Variants in SLC38A8 observed in about 807,000 individuals in gnomAD.
SLC38A8 encodes the protein solute carrier family 38 member 8.
In SLC38A8, 65 loss-of-function variants were observed where a neutral mutation model predicts 46.0. That is an observed-to-expected ratio of 1.41 (90% CI 1.16 to 1.74). SLC38A8 has a LOEUF of 1.74. Among genes scored for constraint, SLC38A8 ranks in the 40% most tolerant of loss-of-function variants. SLC38A8 has a pLI of 0.00. For synonymous variants in SLC38A8, 447 were observed against 243.7 expected, an observed-to-expected ratio of 1.83 and a Z score of -7.77; for missense variants, 998 against 567.9, an observed-to-expected ratio of 1.76 and a Z score of -7.70.
chr16:84,038,514 C>T lies in SLC38A8; in HGVS notation c.190-1614G>A, dbSNP rs189989454. Among the ~76,000 whole-genome samples, 80 of 152,294 alleles carry T rather than the reference C, an allele frequency of 5.3e-4. No homozygotes were observed. The East Asian group carries it at 0.014, about 28-fold the overall frequency. ...AGCTGCAGATCCCAGTGTACATCCCCTGGAATACTCTGGCGTGCCTACCAT... is the reference window on the plus strand; with the variant it reads ...AGCTGCAGATCCCAGTGTACATCCCTTGGAATACTCTGGCGTGCCTACCAT... On this transcript the variant is annotated intron_variant, in intron 2 of 10. Transcript: ENST00000299709.
chr16:84,018,081 C>T (rs745792962), intron 7 of SLC38A8, among the ~76,000 whole-genome samples: 3 of 152,134 alleles, frequency 2.0e-5, no homozygotes, highest in African/African-American at 4.8e-5. Context: ...AGAAAAGAAA[C>T]TTACTTCCTA....
chr16:84,040,324 G>T (rs1397152301), intron 2 of SLC38A8, among the ~76,000 whole-genome samples: 1 of 152,150 alleles, frequency 6.6e-6, no homozygotes, highest in African/African-American at 2.4e-5. Context: ...TCACCTCAGG[G>T]TTCCCTTCTC....
At chr16:84,012,262 G>C (rs1249139503) in intron 10 of SLC38A8, among the ~76,000 whole-genome samples, 1 of 152,242 alleles carries the variant, frequency 6.6e-6, no homozygotes, top group Non-Finnish European at 1.5e-5. Context: ...GGCTGAGGAA[G>C]CGCACATCAT....
At chr16:84,017,004 G>A (rs1287618758) in intron 8 of SLC38A8, 136 bp downstream of exon 8, 1 of 1,275,440 alleles carries the variant, frequency 7.8e-7, no homozygotes, top group Non-Finnish European at 1.1e-6. Flanking sequence ...TAAATCCTCT[G>A]TGCCTGTTTC....
intron 6 of SLC38A8, among the ~76,000 whole-genome samples, chr16:84,028,603 T>C (rs2085195820): frequency 1.3e-5 from 2 of 148,698 alleles, no homozygotes; most frequent in Admixed American, 6.7e-5. Flanking sequence ...GGAAGAGCAG[T>C]GTCTGCTTCC....
intron 3 of SLC38A8, 102 bp from the exon 4 acceptor site, chr16:84,033,571 T>C: frequency 7.4e-7 from 1 of 1,352,898 alleles, no homozygotes; most frequent in Non-Finnish European, 1.0e-6. Flanking sequence ...ACATCCACCC[T>C]CAGCCAGCCC....
chr16:84,036,797 G>A lies in SLC38A8; in HGVS notation c.293C>T (p.Pro98Leu). ...YQGVVRGLCGPAIGKLCEACF... is the reference protein window; with the variant it reads ...YQGVVRGLCGLAIGKLCEACF... ...GGCCTCACACAGCTTCCCAATGGCA[G>A]GGCCACACAGCCCCCTGACCACACC... Residue 98 changes from proline to leucine, a missense_variant, in exon 3 of 11, where the codon CCT becomes CTT. Coordinates refer to ENST00000299709, the MANE Select transcript of SLC38A8 (RefSeq NM_001080442.3). 4.3e-6 allele frequency: 7 copies of A among 1,614,130 alleles called. No homozygotes were observed. Among genetic ancestry groups the A allele is most frequent in the Non-Finnish European group, 2.5e-6 (3 of 1,180,026 alleles).
At chr16:84,019,904 C>CA (rs1335118044) in intron 7 of SLC38A8, among the ~76,000 whole-genome samples, 1 of 152,282 alleles carries the variant, frequency 6.6e-6, no homozygotes, top group African/African-American at 2.4e-5. Flanking sequence ...CACCATGTGC[C>CA]ACCCCCTGGA....
At chr16:84,020,042 T>A (rs772592036) in intron 7 of SLC38A8, among the ~76,000 whole-genome samples, 3 of 152,238 alleles carry the variant, frequency 2.0e-5, no homozygotes, top group African/African-American at 7.2e-5. Context: ...CTTCGCAGTT[T>A]GTAGTCCCAG....
At position 84,016,834 on chromosome 16, in the gene SLC38A8, C is replaced by T. The variant is rs964687279; in HGVS notation, c.954-107G>A. On this transcript the variant is annotated intron_variant, in intron 8 of 10. Transcript: ENST00000299709. ...GAGTCCCCTCACACCTGTCAGTGCT[C>T]CTGTTCCACACTCAGGTGTTTATTC... 9 of 1,245,252 alleles carry T rather than the reference C, an allele frequency of 7.2e-6. No homozygotes were observed. In the African/African-American group the frequency reaches 1.4e-4, roughly 19 times the overall value. The allele number at this position is 1,245,252 out of a possible 1,614,324, so 77.1% of individuals were successfully genotyped here.
At chr16:84,033,224 G>A (rs1447831660) in intron 4 of SLC38A8, 104 bp downstream of exon 4, 5 of 1,491,754 alleles carry the variant, frequency 3.4e-6, no homozygotes, top group Non-Finnish European at 4.6e-6. Flanking sequence ...TTCTCCAAAT[G>A]TGAAGGCCAA....
chr16:84,033,001 GGGGTGTGGGTAGGTGGGTGTGTATGTGT>G (rs1567701312), intron 4 of SLC38A8, among the ~76,000 whole-genome samples: 4 of 143,630 alleles, frequency 2.8e-5, no homozygotes, highest in South Asian at 2.2e-4. Context: ...TGTGCATGGG[GGGGTGTGGGTAGGTGGGTGTGTATGTGT>G]GGGTGTGGGT....
chr16:84,021,833 G>A (rs895280465), intron 7 of SLC38A8, among the ~76,000 whole-genome samples: 13 of 152,236 alleles, frequency 8.5e-5, no homozygotes, highest in Admixed American at 7.9e-4. Context: ...AGGATCAAGA[G>A]GCTACATCTG....
intron 3 of SLC38A8, among the ~76,000 whole-genome samples, chr16:84,034,065 C>T (rs1442053519): frequency 1.3e-5 from 2 of 152,174 alleles, no homozygotes; most frequent in Non-Finnish European, 2.9e-5. Flanking sequence ...TGGGGCTGGT[C>T]TGGAGGAACC....
chr16:84,037,100 C>T (rs2085309122), intron 2 of SLC38A8, among the ~76,000 whole-genome samples, 200 bp from the exon 3 acceptor site: 1 of 152,208 alleles, frequency 6.6e-6, no homozygotes, highest in Non-Finnish European at 1.5e-5. Context: ...ATCAGAGCTG[C>T]AGTGCAGGCT....
intron 3 of SLC38A8, 26 bp downstream of exon 3, chr16:84,036,676 A>T (rs1567703489): frequency 6.2e-7 from 1 of 1,613,276 alleles, no homozygotes; most frequent in Admixed American, 1.7e-5. Context: ...ACCCTGGGCC[A>T]CCCCGAGTCC....
At chr16:84,015,075 G>T (rs2085009240) in intron 9 of SLC38A8, among the ~76,000 whole-genome samples, 2 of 152,134 alleles carry the variant, frequency 1.3e-5, no homozygotes, top group Non-Finnish European at 2.9e-5. Flanking sequence ...GGGATACCTG[G>T]CTAAGGGTCC....
In SLC38A8 at chr16:84,036,892, C is replaced by T. The variant is rs756201372; in HGVS notation, c.198G>A (p.Leu66=). The T allele has an allele frequency of 8.1e-6, 13 of 1,611,876 alleles. No homozygotes were observed. Among genetic ancestry groups the T allele is most frequent in the Non-Finnish European group, 9.3e-6 (11 of 1,179,758 alleles). The change falls in exon 3 of 11, where the codon TTG becomes TTA. Residue 66 remains leucine (L), a synonymous_variant. Transcript: ENST00000299709. The part of the protein sequence containing the change: ...VPAFLVELVS[L]VFLISGLVIL... ...TGACCAGCCCGCTGATCAGGAAGAC[C>T]AACGAGACCTGCGGAGAAGGAGCAG...
intron 7 of SLC38A8, among the ~76,000 whole-genome samples, chr16:84,017,610 C>A (rs914840092): frequency 1.3e-5 from 2 of 152,336 alleles, no homozygotes; most frequent in East Asian, 3.9e-4. Flanking sequence ...ACCTCCCATG[C>A]CCTGTCCATC....
Sources: gnomAD v4.1 joint callset for allele counts (sites outside exome capture counted in the v4.1 genomes callset) on GRCh38, gnomAD v4.1.1 for gene constraint, MANE v1.5 for transcripts, NCBI Gene and HGNC (gene_info 2026-07-23, HGNC 2026-07-21) for gene names.